Variants in C8B observed in about 807,000 individuals in gnomAD.
The protein encoded by C8B is complement C8 beta chain.
C8B carries 67 observed loss-of-function variants against 64.6 expected under a neutral mutation model. That is an observed-to-expected ratio of 1.04 (90% CI 0.85 to 1.27). The LOEUF (loss-of-function observed/expected upper bound fraction) is 1.27, where lower values mean the gene tolerates loss of function less well. Ranked by LOEUF, C8B falls within the 50% of genes most tolerant of loss-of-function variation. C8B has a pLI of 0.00. For synonymous variants in C8B, 284 were observed against 257.7 expected, an observed-to-expected ratio of 1.10 and a Z score of -0.98; for missense variants, 790 against 725.2, an observed-to-expected ratio of 1.09 and a Z score of -1.03.
At chr1:56,965,146 G>A (rs1460852130) in intron 1 of C8B, among the ~76,000 whole-genome samples, 1 of 152,166 alleles carries the variant, frequency 6.6e-6, no homozygotes, top group Non-Finnish European at 1.5e-5. Context: ...TCCCACAGGA[G>A]TGTTTACATG....
At position 56,945,933 on chromosome 1, in the gene C8B, C is replaced by G. The variant is rs756014814; in HGVS notation, c.993G>C (p.Gly331=). Residue 331 remains glycine (G), a synonymous_variant, in exon 7 of 12, where the codon GGG becomes GGC. Transcript: ENST00000371237. ...AATCACGGAAGAGATCTCTGTATTC[C>G]CCGTAGCTGTACTCCAGGGGCAGCC... ...VKRLPLEYSY[G]EYRDLFRDFG... The G allele has an allele frequency of 5.0e-6, 8 of 1,614,086 alleles. No homozygotes were observed. The South Asian group carries it at 8.8e-5, about 18-fold the overall frequency.
At chr1:56,949,875 G>C (rs557184094) in intron 5 of C8B, 123 bp from the exon 6 acceptor site, 19 of 745,092 alleles carry the variant, frequency 2.6e-5, no homozygotes, top group East Asian at 1.9e-4. Context: ...TCTGGATACA[G>C]AGAAATCAGG....
At position 56,952,091 on chromosome 1, in the gene C8B, G is replaced by T. The variant is rs763423680; in HGVS notation, c.623C>A (p.Thr208Lys). 6.2e-7 allele frequency: 1 copy of T among 1,614,120 alleles called. No individual in the cohort carries two copies. The highest frequency in any genetic ancestry group is 8.5e-7 in the Non-Finnish European group (1 of 1,180,006). Residue 208 changes from threonine (T) to lysine (K), a missense_variant, in exon 5 of 12, where the codon ACG (threonine) becomes AAG (lysine). Thr to Lys is a moderately conservative substitution (Grantham distance 78). Transcript: ENST00000371237. The part of the protein sequence containing the change: ...GGCSPHYILN[T>K]RFRKPYNVES... ...CACATTGTAGGGCTTCCTAAACCTC[G>T]TGTTCAGGATGTAATGCGGGGAGCA... is the stretch of plus-strand genomic sequence containing the variant.
At position 56,929,263 on chromosome 1, in the gene C8B, A is replaced by G; in HGVS notation, c.*141T>C. On this transcript the variant is annotated 3_prime_UTR_variant, in exon 12 of 12. Coordinates refer to ENST00000371237, the MANE Select transcript of C8B (RefSeq NM_000066.4). ...ATCAACTTGCATTTTACAAGGTAACATCTTTATTTTAAACAGCTTGCATGG... is the reference window on the plus strand; with the variant it reads ...ATCAACTTGCATTTTACAAGGTAACGTCTTTATTTTAAACAGCTTGCATGG... The G allele has an allele frequency of 1.2e-6, 1 of 842,204 alleles. No homozygotes were observed. The highest frequency in any genetic ancestry group is 3.5e-4 in the Middle Eastern group (1 of 2,868). The allele number at this position is 842,204 out of a possible 1,614,324, so 52.2% of individuals were successfully genotyped here.
At chr1:56,965,646 A>G (rs750418737) in intron 1 of C8B, among the ~76,000 whole-genome samples, 2 of 152,224 alleles carry the variant, frequency 1.3e-5, no homozygotes, top group Non-Finnish European at 2.9e-5. Context: ...TAAACCTGTC[A>G]GTTTCTTACA....
intron 5 of C8B, among the ~76,000 whole-genome samples, chr1:56,950,915 G>T (rs1645011413): frequency 6.6e-6 from 1 of 152,150 alleles, no homozygotes; most frequent in African/African-American, 2.4e-5. Context: ...GGATGGTAAT[G>T]GTTGCTGTGA....
chr1:56,954,465 A>T (rs959759376), intron 4 of C8B, among the ~76,000 whole-genome samples: 1 of 152,188 alleles, frequency 6.6e-6, no homozygotes, highest in Non-Finnish European at 1.5e-5. Flanking sequence ...CCAGTGTTCC[A>T]AACCAGCCCT....
chr1:56,956,975 T>G lies in C8B; in HGVS notation c.250-65A>C. The G allele has an allele frequency of 1.5e-5, 23 of 1,579,148 alleles. No individual in the cohort carries two copies. In the South Asian group the frequency reaches 2.5e-4, roughly 17 times the overall value. On this transcript the variant is annotated intron_variant, in intron 2 of 11. Transcript: ENST00000371237. ...TTAGATCTCAGGAGCTGAGGGATACTCTGTGTAAATGGGTCTTGAGCCAGG... is the reference window on the plus strand; with the variant it reads ...TTAGATCTCAGGAGCTGAGGGATACGCTGTGTAAATGGGTCTTGAGCCAGG...
Position 56,960,059 on chromosome 1 carries a change from C to T in C8B, c.210G>A (p.Trp70Ter), listed in dbSNP as rs1428653006. ...AGGGGTCACATGTGGTCCAAGAGGA[C>T]CAACTAGACAGCTCACAATCAATGG... ...LMPIDCELSS[W>*]SSWTTCDPCQ... Residue 70 changes from tryptophan (W) to a stop codon, truncating the protein, a stop_gained, in exon 2 of 12, where the codon TGG becomes TGA. Coordinates refer to ENST00000371237, the MANE Select transcript of C8B (RefSeq NM_000066.4). LOFTEE classifies it high-confidence loss of function. 1 of 1,614,096 alleles carries T rather than the reference C, an allele frequency of 6.2e-7. No individual in the cohort carries two copies. Among genetic ancestry groups the T allele is most frequent in the Admixed American group, 1.7e-5 (1 of 60,006 alleles).
At chr1:56,952,574 C>G (rs1645038443) in intron 4 of C8B, among the ~76,000 whole-genome samples, 1 of 152,166 alleles carries the variant, frequency 6.6e-6, no homozygotes, top group South Asian at 2.1e-4. Flanking sequence ...GGTTAGGGAC[C>G]CTCATAACAC....
chr1:56,933,529 T>G (rs1356330256), intron 9 of C8B, 41 bp from the exon 10 acceptor site: 1 of 1,576,548 alleles, frequency 6.3e-7, no homozygotes, highest in Admixed American at 1.7e-5. Flanking sequence ...AGAAAAACAT[T>G]TATCAAGTAG....
At chr1:56,959,650 A>G in intron 2 of C8B, 9 of 1,533,536 alleles carry the variant, frequency 5.9e-6, no homozygotes, top group Non-Finnish European at 7.0e-6. Flanking sequence ...ATGATCCTGG[A>G]CTTGATCCTA....
chr1:56,929,449 ACC>A lies in C8B; in HGVS notation c.1729_1730del (p.Gly577Ter). ...QCNNPPPQNG[G>X]SPCSGPASET... ...CTGAAGCAGGGCCTGAACAGGGGCT[ACC>A]CCCATTTTGAGGAGGTGGATTGTTA... On this transcript the variant is annotated frameshift_variant, in exon 12 of 12. Transcript: ENST00000371237. LOFTEE classifies it high-confidence loss of function. The A allele has an allele frequency of 6.2e-7, 1 of 1,612,610 alleles. No individual in the cohort carries two copies. Among genetic ancestry groups the A allele is most frequent in the Non-Finnish European group, 8.5e-7 (1 of 1,179,904 alleles).
chr1:56,929,577 A>G lies in C8B; in HGVS notation c.1622-19T>C. 1.2e-6 allele frequency: 2 copies of G among 1,611,402 alleles called. No individual in the cohort carries two copies. Among genetic ancestry groups the G allele is most frequent in the Non-Finnish European group, 1.7e-6 (2 of 1,177,642 alleles). On this transcript the variant is annotated intron_variant, in intron 11 of 11. Transcript: ENST00000371237. The stretch of plus-strand genomic sequence containing the variant: ...GGGGTATCTATAAGAAAGAAGGTCA[A>G]TAAGCATCAATCAGCACTTCTTATA...
At chr1:56,940,541 A>T (rs77635922) in intron 9 of C8B, among the ~76,000 whole-genome samples, 5,336 of 151,592 alleles carry the variant, frequency 0.035, 299 homozygotes, top group African/African-American at 0.12. Flanking sequence ...CTGAACCCTA[A>T]CCTGGGTAAC....
chr1:56,950,920 C>T (rs1645011481), intron 5 of C8B, among the ~76,000 whole-genome samples: 1 of 152,138 alleles, frequency 6.6e-6, no homozygotes. Context: ...GTAATGGTTG[C>T]TGTGAAATCC....
intron 9 of C8B, among the ~76,000 whole-genome samples, chr1:56,935,611 T>C (rs1033818936): frequency 2.0e-5 from 3 of 152,242 alleles, no homozygotes; most frequent in Non-Finnish European, 1.5e-5. Flanking sequence ...ATAGCTAGCA[T>C]TTATTAGGTG....
intron 9 of C8B, 21 bp downstream of exon 9, chr1:56,940,828 G>T (rs201316731): frequency 4.3e-5 from 69 of 1,613,714 alleles, no homozygotes; most frequent in Admixed American, 1.0e-4. Context: ...AGGAAAGGAT[G>T]GGTAGAGCAG....
rs143183824 is a variant in C8B, at chr1:56,959,960, G to A, written c.249+60C>T. On this transcript the variant is annotated intron_variant, in intron 2 of 11. Transcript: ENST00000371237. ...AGGCACTGTTAGCAATGGCTCAGCC[G>A]ATCTTGCTGGGGACAAAGGCTCCTG... 602 of 1,597,552 alleles carry A rather than the reference G, an allele frequency of 3.8e-4. 1 individual carries two copies. Among genetic ancestry groups the A allele is most frequent in the African/African-American group, 3.1e-3 (232 of 74,670 alleles).
Sources: gnomAD v4.1 joint callset for allele counts (sites outside exome capture counted in the v4.1 genomes callset) on GRCh38, gnomAD v4.1.1 for gene constraint, MANE v1.5 for transcripts, NCBI Gene and HGNC (gene_info 2026-07-23, HGNC 2026-07-21) for gene names.